Variants in RPAP2 observed in about 807,000 individuals in gnomAD.
RPAP2 encodes putative RNA polymerase II subunit B1 CTD phosphatase RPAP2.
RPAP2 carries 52 observed loss-of-function variants against 73.1 expected under a neutral mutation model. That is an observed-to-expected ratio of 0.71 (90% CI 0.57 to 0.90). The LOEUF is 0.90. RPAP2 is among the 40% of genes least tolerant of loss of function. RPAP2 has a pLI of 0.00. For missense variants in RPAP2, 598 were observed against 701.8 expected (o/e 0.85, Z 1.67); for synonymous variants, 225 against 242.1 (o/e 0.93, Z 0.65).
chr1:92,320,513 C>T lies in RPAP2; in HGVS notation c.489-86C>T, dbSNP rs750330509. 1.0e-4 allele frequency: 107 copies of T among 1,039,684 alleles called. No individual in the cohort carries two copies. In the South Asian group the frequency reaches 1.3e-3, roughly 13 times the overall value. The allele number at this position is 1,039,684 out of a possible 1,614,324, so 64.4% of individuals were successfully genotyped here. ...GTCTCAATCTCCTGACCTCGAGATCCGCCTGCCCAGCCTCCGAAAGTGCTG... is the reference window on the plus strand; with the variant it reads ...GTCTCAATCTCCTGACCTCGAGATCTGCCTGCCCAGCCTCCGAAAGTGCTG... On this transcript the variant is annotated intron_variant, in intron 6 of 12. Coordinates refer to ENST00000610020, the MANE Select transcript of RPAP2 (RefSeq NM_024813.3).
In RPAP2 at chr1:92,307,142, A is replaced by G. The variant is rs12042539; in HGVS notation, c.400-46A>G. ...TTATACTCTCAACTGTATGTAGGTAATGTTTCATGATAAGAAAAAAACTAG... is the reference window on the plus strand; with the variant it reads ...TTATACTCTCAACTGTATGTAGGTAGTGTTTCATGATAAGAAAAAAACTAG... On this transcript the variant is annotated intron_variant, in intron 5 of 12. Coordinates refer to ENST00000610020, the MANE Select transcript of RPAP2 (RefSeq NM_024813.3). 14 of 1,286,758 alleles carry G rather than the reference A, an allele frequency of 1.1e-5. No homozygotes were observed. In the East Asian group the frequency reaches 2.8e-4, roughly 26 times the overall value. The allele number at this position is 1,286,758 out of a possible 1,614,324, so 79.7% of individuals were successfully genotyped here. A position where few individuals can be genotyped will look rare whatever the true frequency, so the allele number is the denominator to read the frequency against.
chr1:92,373,800 A>C lies in RPAP2; in HGVS notation c.1689-6924A>C, dbSNP rs1006810939. ...CCAGGCGTGGTGGTGGCGCACCTGT[A>C]ATCCCAGCTACTCGGGACTCAGGCT... On this transcript the variant is annotated intron_variant, in intron 11 of 12. Coordinates refer to ENST00000610020, the MANE Select transcript of RPAP2 (RefSeq NM_024813.3). 2.7e-5 allele frequency among the ~76,000 whole-genome samples: 4 copies of C among 147,972 alleles called. No individual in the cohort carries two copies. In the Admixed American group the frequency reaches 2.8e-4, roughly 10 times the overall value.
chr1:92,337,513 T>G (rs2101252388), intron 10 of RPAP2, among the ~76,000 whole-genome samples: 1 of 152,266 alleles, frequency 6.6e-6, no homozygotes, highest in East Asian at 1.9e-4. Context: ...AGAATTGTCT[T>G]CAGCTGCTGA....
rs767667824 is a variant in RPAP2 at position 92,323,815 on chromosome 1, A to G, written c.895A>G (p.Ser299Gly). Residue 299 changes from serine to glycine, a missense_variant, in exon 8 of 13, where the codon AGT becomes GGT. Physicochemically the swap from Ser to Gly is moderately conservative, Grantham distance 56. Coordinates refer to ENST00000610020, the MANE Select transcript of RPAP2 (RefSeq NM_024813.3). Reference sequence around the variant, plus strand: ...TCCTTTACAGAAAGTAAATACTCAGAGTTCTTCAAATAGCACTTTGCCTGA... The same window carrying G: ...TCCTTTACAGAAAGTAAATACTCAGGGTTCTTCAAATAGCACTTTGCCTGA... ...ELPLQKVNTQ[S>G]SSNSTLPERL... 12 of 1,614,014 alleles carry G rather than the reference A, an allele frequency of 7.4e-6. No homozygotes were observed. In the South Asian group the frequency reaches 1.3e-4, roughly 18 times the overall value.
chr1:92,371,594 G>A (rs1029190580), intron 11 of RPAP2, among the ~76,000 whole-genome samples: 24 of 151,570 alleles, frequency 1.6e-4, no homozygotes, highest in South Asian at 8.3e-4. Context: ...TATAAACAGC[G>A]GCATATATTC....
rs1481266027 is a variant in RPAP2 at position 92,390,260 on chromosome 1, A to T, written c.*3249A>T. 1 of 152,206 alleles carries T rather than the reference A, an allele frequency of 6.6e-6. No homozygotes were observed. The highest frequency in any genetic ancestry group is 1.5e-5 in the Non-Finnish European group (1 of 68,046). 9.4% of individuals were successfully genotyped at this position (152,206 alleles called of 1,614,324 possible). ...AATATTCAACATTCTTAAAGAAAAG[A>T]ATTTTCAACCCAGAATCTCATATCC... On this transcript the variant is annotated 3_prime_UTR_variant, in exon 13 of 13. Coordinates refer to ENST00000610020, the MANE Select transcript of RPAP2 (RefSeq NM_024813.3).
chr1:92,394,127 C>T lies in RPAP2; in HGVS notation c.*7116C>T, dbSNP rs1656123520. The T allele has an allele frequency of 6.6e-6, 1 of 152,148 alleles. No individual in the cohort carries two copies. Among genetic ancestry groups the T allele is most frequent in the Non-Finnish European group, 1.5e-5 (1 of 68,034 alleles). The allele number at this position is 152,148 out of a possible 1,614,324, so 9.4% of individuals were successfully genotyped here. The stretch of plus-strand genomic sequence containing the variant: ...TTAAGAAAATGTGGCACATGTATAC[C>T]ATGGAATACTATGCAGCCATAAAAA... On this transcript the variant is annotated 3_prime_UTR_variant, in exon 13 of 13. Coordinates refer to ENST00000610020, the MANE Select transcript of RPAP2 (RefSeq NM_024813.3).
At chr1:92,333,029 C>T (rs1653065288) in intron 8 of RPAP2, among the ~76,000 whole-genome samples, 1 of 152,026 alleles carries the variant, frequency 6.6e-6, no homozygotes. Flanking sequence ...AATGACTGAA[C>T]TCCTCATAAT....
chr1:92,336,315 T>C, intron 9 of RPAP2, 32 bp from the exon 10 acceptor site: 3 of 1,514,536 alleles, frequency 2.0e-6, no homozygotes, highest in Non-Finnish European at 2.7e-6. Flanking sequence ...TATAATTTTG[T>C]TTTAAAATAA....
At chr1:92,370,919 G>C (rs1430553760) in intron 11 of RPAP2, among the ~76,000 whole-genome samples, 5 of 152,212 alleles carry the variant, frequency 3.3e-5, no homozygotes, top group African/African-American at 1.2e-4. Context: ...ACAAGCATTG[G>C]TGAAGATACC....
intron 11 of RPAP2, among the ~76,000 whole-genome samples, chr1:92,375,325 TTAGAAAGC>T (rs1338200393): frequency 6.6e-6 from 1 of 152,194 alleles, no homozygotes; most frequent in African/African-American, 2.4e-5. Flanking sequence ...CTTATAACTC[TTAGAAAGC>T]TAATACAGTT....
intron 12 of RPAP2, among the ~76,000 whole-genome samples, chr1:92,383,526 A>G (rs1428521715): frequency 6.8e-6 from 1 of 146,626 alleles, no homozygotes; most frequent in South Asian, 2.2e-4. Flanking sequence ...ATTATCTTTG[A>G]AGCAATTGTG....
chr1:92,373,758 A>T (rs1453736628), intron 11 of RPAP2, among the ~76,000 whole-genome samples: 40 of 146,666 alleles, frequency 2.7e-4, no homozygotes, highest in African/African-American at 7.0e-4. Flanking sequence ...AAAAAAAAAA[A>T]AAAAAAAAAA....
intron 6 of RPAP2, among the ~76,000 whole-genome samples, chr1:92,308,887 G>C (rs1651403376): frequency 6.6e-6 from 1 of 152,110 alleles, no homozygotes; most frequent in Admixed American, 6.5e-5. Flanking sequence ...TTGAACCTGG[G>C]AGGCGGAGGT....
intron 11 of RPAP2, among the ~76,000 whole-genome samples, chr1:92,367,853 T>G (rs1003641084): frequency 2.6e-5 from 4 of 152,212 alleles, no homozygotes; most frequent in Non-Finnish European, 5.9e-5. Flanking sequence ...AACTGCCTAC[T>G]CGTTTGATTT....
rs193218851 is a variant in RPAP2 at position 92,377,248 on chromosome 1, C to T, written c.1689-3476C>T. ...AGAATTGGGTTGTGTAGGCCGGGCG[C>T]GGTGGCTCATGCCTGTAATCTCAGC... is the stretch of plus-strand genomic sequence containing the variant. On this transcript the variant is annotated intron_variant, in intron 11 of 12. Coordinates refer to ENST00000610020, the MANE Select transcript of RPAP2 (RefSeq NM_024813.3). Among the ~76,000 whole-genome samples, 13 of 152,028 alleles carry T rather than the reference C, an allele frequency of 8.6e-5. No individual in the cohort carries two copies. The East Asian group carries it at 9.7e-4, about 11-fold the overall frequency.
intron 1 of RPAP2, among the ~76,000 whole-genome samples, chr1:92,299,511 C>T (rs1442409635): frequency 1.3e-5 from 2 of 152,118 alleles, no homozygotes; most frequent in Non-Finnish European, 2.9e-5. Context: ...TTCCAGATTG[C>T]TTGGGTGCCC....
chr1:92,365,236 T>A (rs1322159076), intron 11 of RPAP2, among the ~76,000 whole-genome samples: 1 of 152,154 alleles, frequency 6.6e-6, no homozygotes, highest in East Asian at 1.9e-4. Flanking sequence ...TATATAAAAA[T>A]CTCATTTTCT....
intron 11 of RPAP2, among the ~76,000 whole-genome samples, chr1:92,373,958 G>T (rs1655284073): frequency 6.6e-6 from 1 of 151,962 alleles, no homozygotes. Context: ...TAGTACAGGG[G>T]TTGGCAAACT....
Sources: allele counts gnomAD v4.1 joint callset (sites outside exome capture counted in the v4.1 genomes callset), GRCh38; gene constraint gnomAD v4.1.1; transcripts MANE v1.5; gene names NCBI Gene and HGNC (gene_info 2026-07-23, HGNC 2026-07-21).